TAF5L: variants seen among roughly 807,000 people sequenced by gnomAD.
TAF5L encodes TATA-box binding protein associated factor 5 like, also known as TAF5-like RNA polymerase II p300/CBP-associated factor-associated factor 65 kDa subunit 5L.
TAF5L carries 7 observed loss-of-function variants against 51.3 expected under a neutral mutation model. That is an observed-to-expected ratio of 0.14 (90% CI 0.08 to 0.26). TAF5L has a LOEUF of 0.26. Ranked by LOEUF, TAF5L falls within the 10% of genes least tolerant of loss-of-function variation. The pLI is 1.00. For synonymous variants in TAF5L, 291 were observed against 308.1 expected (o/e 0.94, Z 0.58); for missense variants, 575 against 758.9 (o/e 0.76, Z 2.85).
intron 1 of TAF5L, among the ~76,000 whole-genome samples, chr1:229,615,834 T>A (rs1664959514): frequency 6.6e-6 from 1 of 152,334 alleles, no homozygotes. Context: ...CATTTTGGAA[T>A]GCATTTCATG....
chr1:229,606,070 A>G, intron 3 of TAF5L: 8 of 910,890 alleles, frequency 8.8e-6, no homozygotes, highest in Non-Finnish European at 1.0e-5. Flanking sequence ...GTAAGTTTAG[A>G]AAAAAACCTA....
intron 3 of TAF5L, chr1:229,606,606 A>G: frequency 1.0e-6 from 1 of 985,374 alleles, no homozygotes; most frequent in Non-Finnish European, 1.2e-6. Flanking sequence ...GAAAGCCCAC[A>G]CTACTTGGTC....
rs778827363 is a variant in TAF5L at position 229,624,015 on chromosome 1, G to A, written c.-4+1870C>T. ...GTCACATACAAGACAGGCTGGAAAC[G>A]TGACTTCTAGTACTGTCCACTGAGT... On this transcript the variant is annotated intron_variant, in intron 1 of 4. Transcript: ENST00000258281. Among the ~76,000 whole-genome samples the A allele has an allele frequency of 1.2e-4, 19 of 152,336 alleles. 1 individual carries two copies. Among genetic ancestry groups the A allele is most frequent in the Admixed American group, 4.6e-4 (7 of 15,308 alleles).
intron 4 of TAF5L, chr1:229,601,246 T>C: frequency 2.0e-6 from 2 of 985,398 alleles, no homozygotes. Flanking sequence ...GCACCCAATA[T>C]TCTTGACATC....
intron 3 of TAF5L, among the ~76,000 whole-genome samples, chr1:229,608,924 A>C (rs1664695035): frequency 6.6e-6 from 1 of 152,148 alleles, no homozygotes; most frequent in Non-Finnish European, 1.5e-5. Context: ...GGATCACTTG[A>C]TCTCAGAAGG....
At chr1:229,605,128 A>ATATATATATATT (rs1340196774) in intron 3 of TAF5L, among the ~76,000 whole-genome samples, 55 of 145,162 alleles carry the variant, frequency 3.8e-4, no homozygotes, top group African/African-American at 1.4e-3. Context: ...ATATATATGT[A>ATATATATATATT]TTTTTTTTTT....
rs1320496576 is a variant in TAF5L at position 229,625,546 on chromosome 1, C to G, written c.-4+339G>C. The stretch of plus-strand genomic sequence containing the variant: ...GTCGGGCACTGGGATACCTTCCCCG[C>G]GGGCGCCCGCCACCTCCTCCCCGAG... On this transcript the variant is annotated intron_variant, in intron 1 of 4. Coordinates refer to ENST00000258281, the Ensembl canonical transcript of TAF5L. The surrounding 1 kb of genome is among the most constrained non-coding windows in gnomAD (Gnocchi z 4.0). Among the ~76,000 whole-genome samples the G allele has an allele frequency of 1.3e-5, 2 of 152,106 alleles. No individual in the cohort carries two copies. The highest frequency in any genetic ancestry group is 2.4e-5 in the African/African-American group (1 of 41,452).
At chr1:229,599,441 C>T (rs1387945160) in intron 4 of TAF5L, 1 of 162,282 alleles carries the variant, frequency 6.2e-6, no homozygotes, top group African/African-American at 2.4e-5. Flanking sequence ...AGCGGTCACT[C>T]TCATTCTCCT....
chr1:229,607,195 T>G (rs1175781670), intron 3 of TAF5L: 3 of 985,314 alleles, frequency 3.0e-6, no homozygotes, highest in Non-Finnish European at 3.6e-6. Context: ...TTCTTCCTCC[T>G]TTACTCCTGA....
chr1:229,616,167 C>T (rs1237840269), intron 1 of TAF5L, among the ~76,000 whole-genome samples: 4 of 152,074 alleles, frequency 2.6e-5, no homozygotes, highest in African/African-American at 9.7e-5. Flanking sequence ...GCCCACGCTA[C>T]CACACTTGGC....
chr1:229,612,987 A>AT (rs1664841586), intron 2 of TAF5L, among the ~76,000 whole-genome samples: 1 of 137,692 alleles, frequency 7.3e-6, no homozygotes, highest in Non-Finnish European at 1.6e-5. Context: ...GTATCCCAGC[A>AT]ATTTTTTTCC....
intron 2 of TAF5L, 48 bp downstream of exon 2, chr1:229,614,293 A>G (rs370102160): frequency 2.8e-5 from 45 of 1,614,022 alleles, no homozygotes; most frequent in Non-Finnish European, 3.4e-5. Flanking sequence ...TATTGACGTG[A>G]GTTCTCCTGC....
At chr1:229,615,857 C>T (rs1206514385) in intron 1 of TAF5L, among the ~76,000 whole-genome samples, 1 of 152,208 alleles carries the variant, frequency 6.6e-6, no homozygotes. Flanking sequence ...CGCATACACA[C>T]ACAATCATCC....
rs774034239 is a variant in TAF5L, at chr1:229,602,504, G to A, written c.663C>T (p.Asn221=). 4.3e-6 allele frequency: 7 copies of A among 1,614,002 alleles called. No homozygotes were observed. The highest frequency in any genetic ancestry group is 4.5e-5 in the East Asian group (2 of 44,898). ...TGGGCATGTCGGGGGGCTCCAAACC[G>A]TTGTTCTCACTGCGGGAGGAGCTGC... Residue 221 remains asparagine, a synonymous_variant, in exon 4 of 5, where the codon AAC becomes AAT. Coordinates refer to ENST00000258281, the Ensembl canonical transcript of TAF5L. This position sits in a 1 kb window ranked among gnomAD's most constrained non-coding sequence, Gnocchi z 4.6.
At position 229,610,095 on chromosome 1, in the gene TAF5L, T is replaced by G; in HGVS notation, c.247+11A>C. ...TCTTAAAAAGAAAAGGTTCTAGAGC[T>G]GAGTACTTACCAGTGAGAAAATTCC... On this transcript the variant is annotated intron_variant, in intron 3 of 4. Transcript: ENST00000258281. 6.2e-7 allele frequency: 1 copy of G among 1,612,872 alleles called. No individual in the cohort carries two copies. Among genetic ancestry groups the G allele is most frequent in the South Asian group, 1.1e-5 (1 of 91,044 alleles).
chr1:229,607,032 C>T, intron 3 of TAF5L: 2 of 985,390 alleles, frequency 2.0e-6, no homozygotes, highest in Non-Finnish European at 2.4e-6. Flanking sequence ...CTTTATCTTT[C>T]TCCTAAATCC....
At chr1:229,616,014 A>AT (rs1274842676) in intron 1 of TAF5L, among the ~76,000 whole-genome samples, 1 of 151,634 alleles carries the variant, frequency 6.6e-6, no homozygotes, top group East Asian at 1.9e-4. Context: ...CCATTCTTTC[A>AT]TTTTGTTTTA....
intron 3 of TAF5L, among the ~76,000 whole-genome samples, chr1:229,609,283 G>A (rs546379590): frequency 6.6e-6 from 1 of 152,326 alleles, no homozygotes; most frequent in East Asian, 1.9e-4. Context: ...GTGACACTCA[G>A]ATGACCCTAA....
intron 3 of TAF5L, among the ~76,000 whole-genome samples, chr1:229,608,340 A>C (rs541036791): frequency 6.6e-6 from 1 of 152,216 alleles, no homozygotes; most frequent in African/African-American, 2.4e-5. Context: ...AGTCTGTTTA[A>C]TAGTTACAAA....
Sources: gnomAD v4.1 joint callset for allele counts (sites outside exome capture counted in the v4.1 genomes callset) on GRCh38, gnomAD v4.1.1 for gene constraint, Gnocchi (gnomAD v3.1) non-coding constraint, MANE v1.5 for transcripts, NCBI Gene and HGNC (gene_info 2026-07-23, HGNC 2026-07-21) for gene names.